The following SPIDR variants were observed in gnomAD, a reference collection of about 807,000 sequenced individuals.
SPIDR encodes the protein scaffold protein involved in DNA repair.
SPIDR carries 93 observed loss-of-function variants against 104.6 expected under a neutral mutation model. The ratio of observed to expected loss-of-function variants is 0.89; its 90% CI spans 0.75 to 1.06. SPIDR has a LOEUF of 1.06. Ranked by LOEUF, SPIDR falls within the 50% of genes least tolerant of loss-of-function variation. SPIDR has a pLI of 0.00. For synonymous variants in SPIDR, 431 were observed against 416.9 expected (o/e 1.03, Z -0.41); for missense variants, 1,154 against 1,111.2 (o/e 1.04, Z -0.55).
At chr8:47,481,726 T>G (rs2076923793) in intron 8 of SPIDR, among the ~76,000 whole-genome samples, 1 of 152,222 alleles carries the variant, frequency 6.6e-6, no homozygotes, top group Non-Finnish European at 1.5e-5. Flanking sequence ...CCAGCCCATG[T>G]GAGTGACCAA....
At chr8:47,434,903 AC>A (rs2068008858) in intron 7 of SPIDR, among the ~76,000 whole-genome samples, 1 of 152,320 alleles carries the variant, frequency 6.6e-6, no homozygotes, top group Admixed American at 6.5e-5. Context: ...AAGGCATTTA[AC>A]TCAGTAGTCA....
intron 8 of SPIDR, among the ~76,000 whole-genome samples, chr8:47,451,362 G>A (rs2154348574): frequency 1.3e-5 from 2 of 152,154 alleles, no homozygotes; most frequent in Middle Eastern, 6.8e-3. Flanking sequence ...TGAGTGGATT[G>A]CTTGAGTCCA....
intron 8 of SPIDR, among the ~76,000 whole-genome samples, chr8:47,451,742 C>CT (rs2071791680): frequency 6.6e-6 from 1 of 152,070 alleles, no homozygotes; most frequent in East Asian, 1.9e-4. Flanking sequence ...CTGTGGGACA[C>CT]TATCAAATGT....
chr8:47,463,597 A>T (rs1554715136), intron 8 of SPIDR, among the ~76,000 whole-genome samples: 1 of 152,216 alleles, frequency 6.6e-6, no homozygotes, highest in East Asian at 1.9e-4. Flanking sequence ...AGTATCCCTG[A>T]TGAATATTGA....
At chr8:47,385,321 C>T (rs782472633) in intron 5 of SPIDR, among the ~76,000 whole-genome samples, 1 of 152,122 alleles carries the variant, frequency 6.6e-6, no homozygotes, top group Non-Finnish European at 1.5e-5. Context: ...ACTTATGGAT[C>T]TGTCACATTG....
At chr8:47,594,438 C>T (rs1386484963) in intron 8 of SPIDR, among the ~76,000 whole-genome samples, 2 of 151,990 alleles carry the variant, frequency 1.3e-5, no homozygotes, top group Non-Finnish European at 2.9e-5. Flanking sequence ...TACTGGGGTG[C>T]TCTCATTACA....
At chr8:47,291,880 C>A (rs2039968102) in intron 4 of SPIDR, among the ~76,000 whole-genome samples, 1 of 152,142 alleles carries the variant, frequency 6.6e-6, no homozygotes, top group Non-Finnish European at 1.5e-5. Flanking sequence ...ATGTTTTAGA[C>A]AATTGAAAGC....
intron 8 of SPIDR, among the ~76,000 whole-genome samples, chr8:47,445,962 A>G (rs570968137): frequency 1.3e-5 from 2 of 152,360 alleles, no homozygotes; most frequent in South Asian, 4.1e-4. Flanking sequence ...AAACTCCCCC[A>G]TAACATAAAA....
At chr8:47,438,784 G>A (rs1320845099) in intron 7 of SPIDR, among the ~76,000 whole-genome samples, 1 of 152,178 alleles carries the variant, frequency 6.6e-6, no homozygotes, top group Non-Finnish European at 1.5e-5. Context: ...GGGGAGGCAA[G>A]GTGGCCCAGG....
At position 47,525,903 on chromosome 8, in the gene SPIDR, TG is replaced by T. The variant is rs543827635; in HGVS notation, c.1098-69902del. ...ATGCTGTCTGGATTTGTGGGAAGTG[TG>T]GGGGGCTTACCCCTTTTCCCTGCAG... On this transcript the variant is annotated intron_variant, in intron 8 of 19. Coordinates refer to ENST00000297423, the MANE Select transcript of SPIDR (RefSeq NM_001080394.4). Among the ~76,000 whole-genome samples, 259 of 152,220 alleles carry T rather than the reference TG, an allele frequency of 1.7e-3. 1 individual carries two copies. The highest frequency in any genetic ancestry group is 6.0e-3 in the African/African-American group (247 of 41,510).
chr8:47,371,303 G>T lies in SPIDR; in HGVS notation c.526-25073G>T, dbSNP rs568083725. Among the ~76,000 whole-genome samples, 5 of 152,236 alleles carry T rather than the reference G, an allele frequency of 3.3e-5. No individual in the cohort carries two copies. In the East Asian group the frequency reaches 9.6e-4, roughly 29 times the overall value. On this transcript the variant is annotated intron_variant, in intron 5 of 19. Transcript: ENST00000297423. ...CCCTTATGTAGATCACAGGGATTAA[G>T]AGCATGGACAACCTGGGCTCAGACA...
rs1443869868 is a variant in SPIDR at position 47,735,452 on chromosome 8, G to T, written c.*2G>T. Reference sequence around the variant, plus strand: ...GGAGGGGCCTCTGCAGAACACTAGCGGTTGCCGCAGGATCTGTGAACTTTG... The same window carrying T: ...GGAGGGGCCTCTGCAGAACACTAGCTGTTGCCGCAGGATCTGTGAACTTTG... On this transcript the variant is annotated 3_prime_UTR_variant, in exon 20 of 20. Coordinates refer to ENST00000297423, the MANE Select transcript of SPIDR (RefSeq NM_001080394.4). 1.2e-6 allele frequency: 2 copies of T among 1,614,162 alleles called. No individual in the cohort carries two copies. Among genetic ancestry groups the T allele is most frequent in the Non-Finnish European group, 1.7e-6 (2 of 1,180,032 alleles).
intron 7 of SPIDR, among the ~76,000 whole-genome samples, chr8:47,433,044 A>C (rs2067639377): frequency 6.6e-6 from 1 of 152,126 alleles, no homozygotes; most frequent in South Asian, 2.1e-4. Context: ...CAGAAAAGAA[A>C]TATTTGTCTA....
intron 5 of SPIDR, among the ~76,000 whole-genome samples, chr8:47,303,066 G>A (rs879066899): frequency 1.3e-5 from 2 of 152,342 alleles, no homozygotes; most frequent in East Asian, 1.9e-4. Flanking sequence ...AGGCAGGCAG[G>A]CCTCCTTGAG....
chr8:47,591,193 T>C (rs1459894838), intron 8 of SPIDR, among the ~76,000 whole-genome samples: 5 of 146,982 alleles, frequency 3.4e-5, no homozygotes, highest in African/African-American at 5.2e-5. Context: ...GTTTTCTTTG[T>C]TCTCTGGTTT....
intron 8 of SPIDR, among the ~76,000 whole-genome samples, chr8:47,490,146 A>G (rs1586606675): frequency 6.6e-6 from 1 of 152,236 alleles, no homozygotes; most frequent in Non-Finnish European, 1.5e-5. Flanking sequence ...GAACTCAAAC[A>G]AATTTACAGG....
intron 8 of SPIDR, among the ~76,000 whole-genome samples, chr8:47,588,242 A>G (rs917169873): frequency 1.3e-5 from 2 of 148,258 alleles, no homozygotes; most frequent in Non-Finnish European, 3.0e-5. Context: ...TCTTTGATTT[A>G]TTTTATCAGT....
chr8:47,541,177 G>T (rs1484175702), intron 8 of SPIDR, among the ~76,000 whole-genome samples: 2 of 152,160 alleles, frequency 1.3e-5, no homozygotes, highest in African/African-American at 4.8e-5. Flanking sequence ...ACTCTTAAAA[G>T]AACATACTAC....
chr8:47,685,945 G>A (rs2077753612), intron 11 of SPIDR, among the ~76,000 whole-genome samples: 1 of 152,106 alleles, frequency 6.6e-6, no homozygotes, highest in Non-Finnish European at 1.5e-5. Flanking sequence ...TCACTTGGGT[G>A]CAGGAGTTCA....
Sources: gnomAD v4.1 joint callset for allele counts (sites outside exome capture counted in the v4.1 genomes callset) on GRCh38, gnomAD v4.1.1 for gene constraint, MANE v1.5 for transcripts, NCBI Gene and HGNC (gene_info 2026-07-23, HGNC 2026-07-21) for gene names.